Variants in MAF observed in about 807,000 individuals in gnomAD.
The protein encoded by MAF is transcription factor Maf.
MAF carries 10 observed loss-of-function variants against 22.0 expected under a neutral mutation model. The observed-to-expected ratio is 0.45, with a 90% CI of 0.28 to 0.77. The LOEUF (loss-of-function observed/expected upper bound fraction) is 0.77, where lower values mean the gene tolerates loss of function less well. Among genes scored for constraint, MAF ranks in the 30% least tolerant of loss-of-function variants. The pLI, the probability that MAF is intolerant of heterozygous loss-of-function variation, is 0.12. For synonymous variants in MAF, 337 were observed against 255.8 expected (o/e 1.32, Z -3.03); for missense variants, 544 against 548.4 (o/e 0.99, Z 0.08).
chr16:79,453,198 T>A, the MAF span, among the ~76,000 whole-genome samples: 2 of 152,124 alleles, frequency 1.3e-5, no homozygotes, highest in Non-Finnish European at 2.9e-5. Context: ...CCCAAGCCTT[T>A]ATCTGCCTCT....
the MAF span, among the ~76,000 whole-genome samples, chr16:79,210,330 C>G: frequency 6.6e-6 from 1 of 152,178 alleles, no homozygotes; most frequent in Non-Finnish European, 1.5e-5. Flanking sequence ...CAGTATGGAC[C>G]TGACTCTCCC....
At chr16:79,575,812 T>C in the MAF span, among the ~76,000 whole-genome samples, 1 of 152,200 alleles carries the variant, frequency 6.6e-6, no homozygotes, top group African/African-American at 2.4e-5. Context: ...GCATAGTTTT[T>C]ATATCCAAAG....
At chr16:79,203,152 C>G in the MAF span, 1 of 152,124 alleles carries the variant, frequency 6.6e-6, no homozygotes, top group African/African-American at 2.4e-5. Flanking sequence ...TTCTCATTAC[C>G]CATCGACCAC....
the MAF span, among the ~76,000 whole-genome samples, chr16:79,245,631 T>C: frequency 3.3e-5 from 5 of 152,032 alleles, no homozygotes; most frequent in Non-Finnish European, 5.9e-5. Context: ...AGTTCAACCA[T>C]TGTGGAAGAC....
the MAF span, among the ~76,000 whole-genome samples, chr16:79,491,109 G>A: frequency 6.6e-6 from 1 of 152,176 alleles, no homozygotes; most frequent in Non-Finnish European, 1.5e-5. Flanking sequence ...GGGAGGGTAA[G>A]CAGTTCGAGA....
the MAF span, among the ~76,000 whole-genome samples, chr16:79,401,081 C>T: frequency 6.6e-6 from 1 of 152,188 alleles, no homozygotes; most frequent in African/African-American, 2.4e-5. Context: ...TCCCTTGGGG[C>T]TTTGAACCTT....
chr16:79,325,586 T>A, the MAF span, among the ~76,000 whole-genome samples: 2 of 141,624 alleles, frequency 1.4e-5, no homozygotes, highest in Admixed American at 7.0e-5. Context: ...CACACACAGA[T>A]ACCCAGACAC....
chr16:79,462,091 G>C, the MAF span, among the ~76,000 whole-genome samples: 1 of 152,068 alleles, frequency 6.6e-6, no homozygotes, highest in South Asian at 2.1e-4. Context: ...TCGCCTATCT[G>C]GGCCCATCAG....
chr16:79,520,277 G>A, the MAF span, among the ~76,000 whole-genome samples: 1 of 152,148 alleles, frequency 6.6e-6, no homozygotes, highest in Non-Finnish European at 1.5e-5. Flanking sequence ...CTTCCATGAA[G>A]TAAAATGGTG....
the MAF span, among the ~76,000 whole-genome samples, chr16:79,543,136 ACAT>A: frequency 1.3e-5 from 2 of 152,248 alleles, no homozygotes; most frequent in Non-Finnish European, 2.9e-5. Flanking sequence ...ATTCGTGGTA[ACAT>A]CATGAAGAGT....
chr16:79,283,231 T>C, the MAF span, among the ~76,000 whole-genome samples: 4 of 152,210 alleles, frequency 2.6e-5, no homozygotes, highest in Admixed American at 2.6e-4. Flanking sequence ...TTGTGTAAGA[T>C]AATAATTTTT....
downstream of MAF, among the ~76,000 whole-genome samples, chr16:79,584,985 G>A (rs1441710819): frequency 6.6e-6 from 1 of 152,130 alleles, no homozygotes; most frequent in Non-Finnish European, 1.5e-5. Context: ...ATTTGAAAGT[G>A]TGATTTTTGC....
At chr16:79,310,262 G>T in the MAF span, among the ~76,000 whole-genome samples, 5 of 152,162 alleles carry the variant, frequency 3.3e-5, no homozygotes, top group Admixed American at 6.5e-5. Flanking sequence ...AATTTTGCAT[G>T]TAGGGAGGGA....
chr16:79,383,694 C>T, the MAF span, among the ~76,000 whole-genome samples: 1 of 152,196 alleles, frequency 6.6e-6, no homozygotes, highest in South Asian at 2.1e-4. Context: ...CTGTAGGTGT[C>T]ACAGAACCCT....
chr16:79,244,993 T>G, the MAF span, among the ~76,000 whole-genome samples: 1 of 152,004 alleles, frequency 6.6e-6, no homozygotes, highest in East Asian at 1.9e-4. Flanking sequence ...ATAAACGGTG[T>G]TGGGAAAACT....
the MAF span, among the ~76,000 whole-genome samples, chr16:79,573,763 C>T: frequency 1.3e-5 from 2 of 152,142 alleles, no homozygotes; most frequent in Non-Finnish European, 2.9e-5. Flanking sequence ...AGCACTAGTG[C>T]AGACTACATT....
chr16:79,316,400 G>A, the MAF span, among the ~76,000 whole-genome samples: 1 of 152,120 alleles, frequency 6.6e-6, no homozygotes, highest in Admixed American at 6.5e-5. Context: ...CAGGACACTG[G>A]TAAAACCTTT....
the MAF span, among the ~76,000 whole-genome samples, chr16:79,283,300 G>T: frequency 6.6e-6 from 1 of 152,184 alleles, no homozygotes; most frequent in African/African-American, 2.4e-5. Context: ...TGTTACATTA[G>T]ACATATGAAA....
chr16:79,326,837 C>A, the MAF span, among the ~76,000 whole-genome samples: 19 of 152,192 alleles, frequency 1.2e-4, no homozygotes, highest in African/African-American at 4.6e-4. Context: ...ACCAGTAATT[C>A]TTGAGGCATC....
Sources: allele counts gnomAD v4.1 joint callset (sites outside exome capture counted in the v4.1 genomes callset), GRCh38; gene constraint gnomAD v4.1.1; transcripts MANE v1.5; gene names NCBI Gene and HGNC (gene_info 2026-07-23, HGNC 2026-07-21).